DPF3: variants seen among roughly 807,000 people sequenced by gnomAD.
DPF3 encodes zinc finger protein DPF3.
DPF3 carries 18 observed loss-of-function variants against 56.8 expected under a neutral mutation model. That is an observed-to-expected ratio of 0.32 (90% CI 0.22 to 0.47). The LOEUF is 0.47. DPF3 is among the 20% of genes least tolerant of loss of function. The pLI is 1.00. For synonymous variants in DPF3, 188 were observed against 180.2 expected (o/e 1.04, Z -0.35); for missense variants, 403 against 488.8 (o/e 0.82, Z 1.65).
At chr14:72,724,713 T>TTG (rs1555500468) in intron 4 of DPF3, among the ~76,000 whole-genome samples, 76 of 147,492 alleles carry the variant, frequency 5.2e-4, no homozygotes, top group Middle Eastern at 6.9e-3. Context: ...TTTTGTTTGT[T>TTG]TTTTTTTTTT....
chr14:72,674,402 C>A, intron 7 of DPF3, 34 bp from the exon 8 acceptor site: 1 of 1,602,104 alleles, frequency 6.2e-7, no homozygotes, highest in Non-Finnish European at 8.5e-7. Context: ...CAATTTCAGG[C>A]TTACATGAGT....
At chr14:72,751,096 T>C (rs762004109) in intron 3 of DPF3, among the ~76,000 whole-genome samples, 4 of 152,004 alleles carry the variant, frequency 2.6e-5, no homozygotes, top group Non-Finnish European at 5.9e-5. Context: ...GAGGCCAAGG[T>C]GGAAGGAGTG....
At chr14:72,861,455 C>A (rs1489843432) in intron 1 of DPF3, among the ~76,000 whole-genome samples, 3 of 152,118 alleles carry the variant, frequency 2.0e-5, no homozygotes, top group South Asian at 2.1e-4. Flanking sequence ...TTCTCACCCA[C>A]TTTTGAGGGT....
rs1366567946 is a variant in DPF3, at chr14:72,626,767, G to A, written c.984+2857C>T. Among the ~76,000 whole-genome samples the A allele has an allele frequency of 1.8e-4, 28 of 151,990 alleles. 1 individual carries two copies. The highest frequency in any genetic ancestry group is 1.8e-3 in the Admixed American group (28 of 15,270). ...AGGTATTGTCAAATTTCCCTCCCCA[G>A]GGTTGTACTAATTTGTATTCCCACC... On this transcript the variant is annotated intron_variant, in intron 9 of 10. Coordinates refer to ENST00000556509, the MANE Select transcript of DPF3 (RefSeq NM_001280542.3).
chr14:72,694,762 A>G (rs1887837656), intron 6 of DPF3, among the ~76,000 whole-genome samples: 2 of 152,390 alleles, frequency 1.3e-5, no homozygotes, highest in African/African-American at 4.8e-5. Context: ...TTCACTGTTT[A>G]GAACGATGTA....
intron 1 of DPF3, among the ~76,000 whole-genome samples, chr14:72,822,990 ATCT>A (rs1451490284): frequency 3.3e-5 from 5 of 152,222 alleles, no homozygotes; most frequent in Non-Finnish European, 7.3e-5. Context: ...TCGGACTAGA[ATCT>A]TCTTTTGAGA....
Position 72,810,312 on chromosome 14 carries a change from T to C in DPF3, c.33-38419A>G, listed in dbSNP as rs372144328. Among the ~76,000 whole-genome samples, 5 of 151,944 alleles carry C rather than the reference T, an allele frequency of 3.3e-5. No individual in the cohort carries two copies. The East Asian group carries it at 5.8e-4, about 18-fold the overall frequency. ...AGGCTAAATGGGAGCACACCTATAGTGGGGGTTCCCCTGTCAGAGATATGC... is the reference window on the plus strand; with the variant it reads ...AGGCTAAATGGGAGCACACCTATAGCGGGGGTTCCCCTGTCAGAGATATGC... On this transcript the variant is annotated intron_variant, in intron 1 of 10. Coordinates refer to ENST00000556509, the MANE Select transcript of DPF3 (RefSeq NM_001280542.3).
At chr14:72,755,164 C>T (rs1298867121) in intron 2 of DPF3, among the ~76,000 whole-genome samples, 1 of 152,216 alleles carries the variant, frequency 6.6e-6, no homozygotes, top group Non-Finnish European at 1.5e-5. Context: ...GTGCTTCCAA[C>T]CTAATCAAAC....
At chr14:72,676,183 A>G (rs1007903197) in intron 7 of DPF3, among the ~76,000 whole-genome samples, 24 of 152,188 alleles carry the variant, frequency 1.6e-4, no homozygotes, top group Non-Finnish European at 5.9e-5. Flanking sequence ...GCTGAGGGTA[A>G]ACCAAAGTTA....
At chr14:72,716,890 G>C (rs2153576042) in intron 5 of DPF3, among the ~76,000 whole-genome samples, 1 of 152,200 alleles carries the variant, frequency 6.6e-6, no homozygotes, top group East Asian at 1.9e-4. Context: ...GCTGTTCAAA[G>C]AACCCACTAA....
intron 2 of DPF3, 142 bp from the exon 3 acceptor site, chr14:72,753,513 C>T (rs1489884145): frequency 2.9e-6 from 2 of 680,566 alleles, no homozygotes; most frequent in Non-Finnish European, 4.8e-6. Flanking sequence ...AAGCTGATTG[C>T]TAGTGGTGGC....
chr14:72,641,961 G>T (rs1456936727), intron 8 of DPF3, among the ~76,000 whole-genome samples: 2 of 152,370 alleles, frequency 1.3e-5, no homozygotes, highest in East Asian at 3.9e-4. Flanking sequence ...CTATTGTGTT[G>T]TGAGCTGCCT....
At chr14:72,637,117 G>T (rs182926419) in intron 8 of DPF3, among the ~76,000 whole-genome samples, 3 of 152,328 alleles carry the variant, frequency 2.0e-5, no homozygotes, top group Admixed American at 2.0e-4. Flanking sequence ...TCATGCAAGA[G>T]TATTACGGGC....
chr14:72,616,587 C>G lies in DPF3; in HGVS notation c.*2710G>C, dbSNP rs932667481. ...CAGTGCTTGTTTATGTAACATGATG[C>G]TTAAGAGTCCCAGTGTCACTCTGGA... is the stretch of plus-strand genomic sequence containing the variant. On this transcript the variant is annotated 3_prime_UTR_variant, in exon 11 of 11. Coordinates refer to ENST00000556509, the MANE Select transcript of DPF3 (RefSeq NM_001280542.3). Among the ~76,000 whole-genome samples, 18 of 152,182 alleles carry G rather than the reference C, an allele frequency of 1.2e-4. No individual in the cohort carries two copies. Among genetic ancestry groups the G allele is most frequent in the Non-Finnish European group, 5.9e-5 (4 of 68,036 alleles).
At chr14:72,886,393 G>T (rs1001175190) in intron 1 of DPF3, among the ~76,000 whole-genome samples, 1 of 152,008 alleles carries the variant, frequency 6.6e-6, no homozygotes, top group Non-Finnish European at 1.5e-5. Flanking sequence ...AAAGAAAAGG[G>T]TCTGGAAACT....
intron 1 of DPF3, among the ~76,000 whole-genome samples, chr14:72,791,774 A>T (rs1240927271): frequency 6.6e-6 from 1 of 152,224 alleles, no homozygotes; most frequent in Admixed American, 6.5e-5. Context: ...AAACCTCAAA[A>T]CTACTAAGTG....
At chr14:72,849,566 C>T (rs1442967065) in intron 1 of DPF3, among the ~76,000 whole-genome samples, 1 of 152,164 alleles carries the variant, frequency 6.6e-6, no homozygotes, top group African/African-American at 2.4e-5. Flanking sequence ...TCCAGACCTG[C>T]CCGTCTGGCC....
intron 3 of DPF3, among the ~76,000 whole-genome samples, chr14:72,738,816 T>A (rs1347957205): frequency 6.6e-6 from 1 of 152,186 alleles, no homozygotes; most frequent in Non-Finnish European, 1.5e-5. Context: ...GATAGATACA[T>A]TAACTAGCTT....
chr14:72,892,789 G>C, intron 1 of DPF3: 1 of 736,176 alleles, frequency 1.4e-6, no homozygotes, highest in Non-Finnish European at 1.7e-6. Flanking sequence ...CGGTCGAAGG[G>C]GTGAGGACCC....
Sources: gnomAD v4.1 joint callset for allele counts (sites outside exome capture counted in the v4.1 genomes callset) on GRCh38, gnomAD v4.1.1 for gene constraint, MANE v1.5 for transcripts, NCBI Gene and HGNC (gene_info 2026-07-23, HGNC 2026-07-21) for gene names.